CACNA1B: variants seen among roughly 807,000 people sequenced by gnomAD.
The protein encoded by CACNA1B is voltage-dependent N-type calcium channel subunit alpha-1B.
In CACNA1B, 70 loss-of-function variants were observed where a neutral mutation model predicts 247.2. The ratio of observed to expected loss-of-function variants is 0.28; its 90% CI spans 0.23 to 0.35. The LOEUF (loss-of-function observed/expected upper bound fraction) is 0.35, where lower values mean the gene tolerates loss of function less well. Among genes scored for constraint, CACNA1B ranks in the 10% least tolerant of loss-of-function variants. The pLI is 1.00. For missense variants in CACNA1B, 2,367 were observed against 3,197.4 expected (o/e 0.74, Z 6.26); for synonymous variants, 1,231 against 1,294.4 (o/e 0.95, Z 1.05).
intron 3 of CACNA1B, among the ~76,000 whole-genome samples, chr9:137,909,548 T>C (rs1957337605): frequency 1.3e-5 from 2 of 152,084 alleles, no homozygotes; most frequent in African/African-American, 4.8e-5. Flanking sequence ...GTTCCTTTTG[T>C]GGAGGAAGAA....
At position 137,971,388 on chromosome 9, in the gene CACNA1B, C is replaced by T. The variant is rs1390166719; in HGVS notation, c.1339C>T (p.Pro447Ser). Residue 447 changes from proline to serine, a missense_variant, in exon 11 of 47, where the codon CCC (proline) becomes TCC (serine). Pro to Ser is a moderately conservative substitution (Grantham distance 74). Coordinates refer to ENST00000371372, the MANE Select transcript of CACNA1B (RefSeq NM_000718.4). This position sits in a 1 kb window ranked among gnomAD's most constrained non-coding sequence, Gnocchi z 4.4. ...GTAACTCCCCATCCCCTCAGGATCC[C>T]CCTTCGCCCGCGCCAGCCTCAAGAG... ...RFADLCAVGS[P>S]FARASLKSGK... is the part of the protein sequence containing the mutation. 1.2e-6 allele frequency: 2 copies of T among 1,609,446 alleles called. No individual in the cohort carries two copies. Among genetic ancestry groups the T allele is most frequent in the Non-Finnish European group, 1.7e-6 (2 of 1,177,880 alleles).
chr9:138,065,996 G>A (rs1054586875), intron 31 of CACNA1B, among the ~76,000 whole-genome samples: 12 of 152,112 alleles, frequency 7.9e-5, no homozygotes, highest in African/African-American at 1.7e-4. Context: ...CCTTAGAGTC[G>A]GCTTCCAAGG....
intron 5 of CACNA1B, among the ~76,000 whole-genome samples, chr9:137,916,758 T>C (rs1472920293): frequency 1.3e-5 from 2 of 151,248 alleles, no homozygotes; most frequent in East Asian, 3.9e-4. Context: ...GTAGTTTGGC[T>C]GTGAGGGAGA....
rs538276852 is a variant in CACNA1B, at chr9:137,954,185, C to G, written c.1071-1513C>G. Among the ~76,000 whole-genome samples, 1 of 152,164 alleles carries G rather than the reference C, an allele frequency of 6.6e-6. No homozygotes were observed. Among genetic ancestry groups the G allele is most frequent in the Non-Finnish European group, 1.5e-5 (1 of 68,026 alleles). ...CAGGCCCAGCAGAGGGCCCCCAAGCCAGGGGCTGGCACCCCCCATGTGGGT... is the reference window on the plus strand; with the variant it reads ...CAGGCCCAGCAGAGGGCCCCCAAGCGAGGGGCTGGCACCCCCCATGTGGGT... On this transcript the variant is annotated intron_variant, in intron 7 of 46. Transcript: ENST00000371372. The surrounding 1 kb of genome is among the most constrained non-coding windows in gnomAD (Gnocchi z 4.1).
chr9:137,905,302 G>A (rs1269034680), intron 3 of CACNA1B, among the ~76,000 whole-genome samples: 4 of 150,640 alleles, frequency 2.7e-5, no homozygotes, highest in East Asian at 1.9e-4. Context: ...GCAGTGAGCC[G>A]AGATTGTGCC....
At chr9:137,953,239 T>C (rs981647633) in intron 7 of CACNA1B, among the ~76,000 whole-genome samples, 3 of 152,142 alleles carry the variant, frequency 2.0e-5, no homozygotes, top group African/African-American at 7.2e-5. Flanking sequence ...AGGAAGGAGG[T>C]GGAAGGCATC....
intron 6 of CACNA1B, among the ~76,000 whole-genome samples, chr9:137,940,832 G>C (rs1250668736): frequency 1.3e-5 from 2 of 152,152 alleles, no homozygotes; most frequent in South Asian, 2.1e-4. Context: ...CATCTCAATA[G>C]ATGTGGAAAG....
intron 35 of CACNA1B, among the ~76,000 whole-genome samples, chr9:138,076,962 G>C (rs961685884): frequency 1.3e-5 from 2 of 152,218 alleles, no homozygotes; most frequent in African/African-American, 4.8e-5. Context: ...GTTTGGCTGG[G>C]CTTTAGCTGC....
At chr9:138,120,504 G>C in intron 45 of CACNA1B, 127 bp from the exon 46 acceptor site, 1 of 1,374,192 alleles carries the variant, frequency 7.3e-7, no homozygotes, top group South Asian at 1.4e-5. Context: ...GGGTGGGACT[G>C]AGGCCCAGGC....
Position 137,882,960 on chromosome 9 carries a change from G to C in CACNA1B, c.530+77G>C. On this transcript the variant is annotated intron_variant, in intron 3 of 46. Transcript: ENST00000371372. This position sits in a 1 kb window ranked among gnomAD's most constrained non-coding sequence, Gnocchi z 4.0. Reference sequence around the variant, plus strand: ...CTCTGAAGCTCAGTTGCGCCGTGGAGCTGGGGCAGCTGCAGTCCCCTCACT... The same window carrying C: ...CTCTGAAGCTCAGTTGCGCCGTGGACCTGGGGCAGCTGCAGTCCCCTCACT... 3 of 1,471,894 alleles carry C rather than the reference G, an allele frequency of 2.0e-6. No individual in the cohort carries two copies. The highest frequency in any genetic ancestry group is 2.8e-6 in the Non-Finnish European group (3 of 1,061,846). 91.2% of individuals were successfully genotyped at this position (1,471,894 alleles called of 1,614,324 possible).
At chr9:138,029,164 C>T (rs1958957573) in intron 20 of CACNA1B, among the ~76,000 whole-genome samples, 1 of 152,180 alleles carries the variant, frequency 6.6e-6, no homozygotes, top group South Asian at 2.1e-4. Context: ...TTTCCAGAAG[C>T]ATGGGCATTA....
rs1958877675 is a variant in CACNA1B, at chr9:138,023,528, G to T, written c.2785G>T (p.Glu929Ter). 1 of 1,076,944 alleles carries T rather than the reference G, an allele frequency of 9.3e-7. No homozygotes were observed. The highest frequency in any genetic ancestry group is 3.2e-5 in the South Asian group (1 of 30,950). The allele number at this position is 1,076,944 out of a possible 1,614,324, so 66.7% of individuals were successfully genotyped here. The change falls in exon 19 of 47, where the codon GAG becomes TAG. Residue 929 changes from glutamate (E) to a stop codon, truncating the protein, a stop_gained. Transcript: ENST00000371372. LOFTEE classifies it high-confidence loss of function. ...GCGCGGCTCCCCGGAGGAGGCGGCC[G>T]AGCGGGAGCCCCGACGCCACCGCGC... is the stretch of plus-strand genomic sequence containing the variant. Reference protein sequence around the residue: ...HRRGSPEEAAEREPRRHRAHR... With the variant: ...HRRGSPEEAA
In CACNA1B at chr9:138,007,763, G is replaced by A. The variant is rs1958671378; in HGVS notation, c.2092+879G>A. On this transcript the variant is annotated intron_variant, in intron 16 of 46. Coordinates refer to ENST00000371372, the MANE Select transcript of CACNA1B (RefSeq NM_000718.4). This position sits in a 1 kb window ranked among gnomAD's most constrained non-coding sequence, Gnocchi z 4.1. ...CTGCTGTGACAGAACACCCCACAGG[G>A]CCCCGAGGAGCTGGAGACAATGTCT... Among the ~76,000 whole-genome samples the A allele has an allele frequency of 1.3e-5, 2 of 152,148 alleles. No individual in the cohort carries two copies. The highest frequency in any genetic ancestry group is 2.9e-5 in the Non-Finnish European group (2 of 68,014).
intron 12 of CACNA1B, among the ~76,000 whole-genome samples, chr9:137,978,561 C>T (rs187329471): frequency 1.8e-4 from 27 of 152,296 alleles, no homozygotes; most frequent in African/African-American, 6.0e-4. Flanking sequence ...AGTGCCGCCC[C>T]CCAAGGGAGG....
At chr9:137,988,687 G>A (rs1035837931) in intron 15 of CACNA1B, among the ~76,000 whole-genome samples, 3 of 152,220 alleles carry the variant, frequency 2.0e-5, no homozygotes, top group Non-Finnish European at 2.9e-5. Context: ...CCAGGCACCA[G>A]GACATGGCTT....
In CACNA1B at chr9:138,054,377, T is replaced by C. The variant is rs1959415686; in HGVS notation, c.3968+371T>C. Among the ~76,000 whole-genome samples, 1 of 152,342 alleles carries C rather than the reference T, an allele frequency of 6.6e-6. No homozygotes were observed. The stretch of plus-strand genomic sequence containing the variant: ...AAGGTCAGAGGGGCTGCCCGATGGC[T>C]GGAGCTGCTGTCACTGTCCACATGA... On this transcript the variant is annotated intron_variant, in intron 26 of 46. Coordinates refer to ENST00000371372, the MANE Select transcript of CACNA1B (RefSeq NM_000718.4). This position sits in a 1 kb window ranked among gnomAD's most constrained non-coding sequence, Gnocchi z 4.6.
At chr9:138,023,868 C>A in intron 19 of CACNA1B, 57 bp downstream of exon 19, 1 of 879,562 alleles carries the variant, frequency 1.1e-6, no homozygotes, top group Non-Finnish European at 1.8e-6. Flanking sequence ...GCGGCGCGGG[C>A]CCCAGCGGTG....
intron 10 of CACNA1B, among the ~76,000 whole-genome samples, chr9:137,965,573 TTTTATTTATTTATTTATTTA>T (rs10586603): frequency 2.0e-5 from 3 of 148,522 alleles, no homozygotes; most frequent in East Asian, 2.0e-4. Context: ...TCCTACTTCA[TTTTATTTATTTATTTATTTA>T]TTTATTTATT....
chr9:137,935,219 A>G (rs1446969539), intron 6 of CACNA1B, among the ~76,000 whole-genome samples: 1 of 152,122 alleles, frequency 6.6e-6, no homozygotes, highest in Non-Finnish European at 1.5e-5. Context: ...CATCATTTAC[A>G]TTACATATTT....
Sources: gnomAD v4.1 joint callset for allele counts (sites outside exome capture counted in the v4.1 genomes callset) on GRCh38, gnomAD v4.1.1 for gene constraint, Gnocchi (gnomAD v3.1) non-coding constraint, MANE v1.5 for transcripts, NCBI Gene and HGNC (gene_info 2026-07-23, HGNC 2026-07-21) for gene names.